The following AHR variants were observed in gnomAD, a reference collection of about 807,000 sequenced individuals.
AHR encodes the protein aryl hydrocarbon receptor, also known as AH-receptor.
Under a neutral mutation model 86.8 loss-of-function variants are expected in AHR, and 40 were observed. That is an observed-to-expected ratio of 0.46 (90% CI 0.36 to 0.60). The LOEUF (loss-of-function observed/expected upper bound fraction) is 0.60. Ranked by LOEUF, AHR falls within the 20% of genes least tolerant of loss-of-function variation. The pLI is 0.00. For synonymous variants in AHR, 398 were observed against 354.9 expected, an observed-to-expected ratio of 1.12 and a Z score of -1.37; for missense variants, 1,001 against 1,011.6, an observed-to-expected ratio of 0.99 and a Z score of 0.14.
At chr7:17,326,685 A>G (rs1246129930) in intron 3 of AHR, among the ~76,000 whole-genome samples, 1 of 152,186 alleles carries the variant, frequency 6.6e-6, no homozygotes, top group Non-Finnish European at 1.5e-5. Context: ...AATAACACTG[A>G]AGCCTAAAAA....
intron 1 of AHR, among the ~76,000 whole-genome samples, chr7:17,300,925 C>G (rs919840783): frequency 6.6e-5 from 10 of 152,012 alleles, no homozygotes; most frequent in African/African-American, 2.2e-4. Flanking sequence ...ATCAAAGGAC[C>G]TGGATGGCTT....
At chr7:17,334,249 G>A in intron 7 of AHR, 135 bp downstream of exon 7, 1 of 767,592 alleles carries the variant, frequency 1.3e-6, no homozygotes, top group Non-Finnish European at 2.0e-6. Flanking sequence ...TTCTTCCAGT[G>A]TAGCCTTTTA....
chr7:17,339,070 G>A lies in AHR; in HGVS notation c.1245G>A (p.Glu415=). The change falls in exon 10 of 11, where the codon GAG becomes GAA. Residue 415 remains glutamate, a synonymous_variant. Coordinates refer to ENST00000242057, the MANE Select transcript of AHR (RefSeq NM_001621.5). ...MFTTGEAVLY[E]ATNPFPAIMD... is the part of the protein sequence containing the mutation. ...CCACTGGAGAAGCTGTGTTGTATGA[G>A]GCAACCAACCCTTTTCCTGCCATAA... is the stretch of plus-strand genomic sequence containing the variant. 3 of 1,614,060 alleles carry A rather than the reference G, an allele frequency of 1.9e-6. No individual in the cohort carries two copies. Among genetic ancestry groups the A allele is most frequent in the Non-Finnish European group, 2.5e-6 (3 of 1,180,024 alleles).
intron 1 of AHR, among the ~76,000 whole-genome samples, chr7:17,307,787 T>C (rs1782020732): frequency 6.6e-6 from 1 of 152,158 alleles, no homozygotes. Context: ...CAGAGTCAGC[T>C]TGGTGAAACA....
In AHR at chr7:17,300,577, T is replaced by C. The variant is rs1169764695; in HGVS notation, c.65+1248T>C. Among the ~76,000 whole-genome samples the C allele has an allele frequency of 6.6e-5, 10 of 152,340 alleles. No homozygotes were observed. In the East Asian group the frequency reaches 1.9e-3, roughly 29 times the overall value. ...TTAACAGAGGATAATAATCTATAAATAGACTGATGAAAATTTGGAAGTTTT... is the reference window on the plus strand; with the variant it reads ...TTAACAGAGGATAATAATCTATAAACAGACTGATGAAAATTTGGAAGTTTT... On this transcript the variant is annotated intron_variant, in intron 1 of 10. Coordinates refer to ENST00000242057, the MANE Select transcript of AHR (RefSeq NM_001621.5).
At chr7:17,335,559 C>T (rs1782346117) in intron 8 of AHR, 86 bp from the exon 9 acceptor site, 1 of 1,158,574 alleles carries the variant, frequency 8.6e-7, no homozygotes, top group Non-Finnish European at 1.2e-6. Flanking sequence ...ACATCCAGAA[C>T]TATGTCACAA....
intron 1 of AHR, among the ~76,000 whole-genome samples, chr7:17,309,158 CT>C (rs1237477534): frequency 6.6e-6 from 1 of 152,156 alleles, no homozygotes; most frequent in Non-Finnish European, 1.5e-5. Flanking sequence ...CCATAAGTGT[CT>C]TTATTCTCAG....
chr7:17,342,815 C>G (rs1453933596), intron 10 of AHR, 106 bp from the exon 11 acceptor site: 1 of 1,113,354 alleles, frequency 9.0e-7, no homozygotes, highest in East Asian at 2.5e-5. Flanking sequence ...TTGAAGTTTA[C>G]AACTCTCAGG....
chr7:17,322,139 T>C (rs1782181000), intron 2 of AHR, among the ~76,000 whole-genome samples: 1 of 152,010 alleles, frequency 6.6e-6, no homozygotes, highest in Admixed American at 6.6e-5. Flanking sequence ...AACTTTAGTC[T>C]CCTAAGAAAG....
chr7:17,337,805 T>C (rs1321674259), intron 9 of AHR, among the ~76,000 whole-genome samples: 1 of 152,080 alleles, frequency 6.6e-6, no homozygotes, highest in Admixed American at 6.5e-5. Flanking sequence ...CATTTTTCTT[T>C]TATAAATTAC....
At position 17,339,237 on chromosome 7, in the gene AHR, C is replaced by T; in HGVS notation, c.1412C>T (p.Pro471Leu). The change falls in exon 10 of 11, where the codon CCT (proline) becomes CTT (leucine). Residue 471 changes from proline to leucine, a missense_variant. Physicochemically the swap from Pro to Leu is moderately conservative, Grantham distance 98. This residue lies in a region of AHR where 607 missense variants were observed against 543.1 expected (regional missense o/e 1.12). Transcript: ENST00000242057. The stretch of plus-strand genomic sequence containing the variant: ...CAAGATGAGTCTATTTATCTCTATC[C>T]TGCTTCAAGTACTTCAAGTACTGCA... The part of the protein sequence containing the change: ...MQQDESIYLY[P>L]ASSTSSTAPF... 6.2e-7 allele frequency: 1 copy of T among 1,614,178 alleles called. No homozygotes were observed. Among genetic ancestry groups the T allele is most frequent in the Non-Finnish European group, 8.5e-7 (1 of 1,180,026 alleles).
At chr7:17,310,228 A>C in intron 2 of AHR, 105 bp downstream of exon 2, 3 of 1,110,928 alleles carry the variant, frequency 2.7e-6, no homozygotes, top group Non-Finnish European at 2.5e-6. Context: ...CGTATTTGGA[A>C]AATTTATTGC....
intron 2 of AHR, among the ~76,000 whole-genome samples, chr7:17,316,336 TGTCTGG>T (rs1782114879): frequency 6.6e-6 from 1 of 152,158 alleles, no homozygotes; most frequent in Non-Finnish European, 1.5e-5. Flanking sequence ...GGGAGACAAA[TGTCTGG>T]GCTCTGTGGC....
At chr7:17,325,801 A>G (rs1782222732) in intron 3 of AHR, among the ~76,000 whole-genome samples, 1 of 152,174 alleles carries the variant, frequency 6.6e-6, no homozygotes, top group Non-Finnish European at 1.5e-5. Context: ...TAGAGGCTGC[A>G]GGGTGGGAGG....
intron 6 of AHR, among the ~76,000 whole-genome samples, chr7:17,332,435 C>A: frequency 6.6e-6 from 1 of 151,638 alleles, no homozygotes; most frequent in Non-Finnish European, 1.5e-5. Flanking sequence ...CATGTTATTG[C>A]CCCCGCAGAC....
intron 1 of AHR, among the ~76,000 whole-genome samples, chr7:17,300,618 T>A (rs1336312234): frequency 6.6e-6 from 1 of 152,192 alleles, no homozygotes; most frequent in Non-Finnish European, 1.5e-5. Flanking sequence ...ACAGTGTGTC[T>A]TAAGGGAATA....
intron 10 of AHR, among the ~76,000 whole-genome samples, chr7:17,340,977 T>TA (rs35597379): frequency 1.6e-4 from 23 of 147,492 alleles, no homozygotes; most frequent in Admixed American, 4.0e-4. Flanking sequence ...AATGATCACT[T>TA]AAAAAAAAAA....
intron 2 of AHR, among the ~76,000 whole-genome samples, chr7:17,315,054 A>G (rs745445560): frequency 1.3e-5 from 2 of 152,048 alleles, no homozygotes; most frequent in Non-Finnish European, 2.9e-5. Flanking sequence ...TCTAATTACA[A>G]TATTCATGAT....
chr7:17,312,701 A>G (rs1455016831), intron 2 of AHR, among the ~76,000 whole-genome samples: 1 of 152,196 alleles, frequency 6.6e-6, no homozygotes, highest in African/African-American at 2.4e-5. Flanking sequence ...ATTCTGGTTC[A>G]GTGTATTTGA....
Sources: allele counts gnomAD v4.1 joint callset (sites outside exome capture counted in the v4.1 genomes callset), GRCh38; gene constraint gnomAD v4.1.1; regional missense constraint gnomAD v4.1.1; transcripts MANE v1.5; gene names NCBI Gene and HGNC (gene_info 2026-07-23, HGNC 2026-07-21).